Variants in ADSS1 observed in about 807,000 individuals in gnomAD.
ADSS1 encodes the protein adenylosuccinate synthase 1.
Under a neutral mutation model 59.1 loss-of-function variants are expected in ADSS1, and 57 were observed. That is an observed-to-expected ratio of 0.97 (90% CI 0.78 to 1.20). The LOEUF is 1.20. ADSS1 is among the 50% of genes most tolerant of loss of function. The pLI is 0.00. For synonymous variants in ADSS1, 247 were observed against 249.4 expected (o/e 0.99, Z 0.09); for missense variants, 603 against 610.3 (o/e 0.99, Z 0.13).
At chr14:104,725,820 C>G (rs1890703517) in intron 1 of ADSS1, among the ~76,000 whole-genome samples, 1 of 152,156 alleles carries the variant, frequency 6.6e-6, no homozygotes, top group South Asian at 2.1e-4. Context: ...TCTCTGCTCC[C>G]GTGAGGCCCA....
rs752928475 is a variant in ADSS1 at position 104,746,404 on chromosome 14, C to T, written c.1321+19C>T. ...GTCGCAGGTGGGTGCCCTGCATCCC[C>T]AGCCACCCTCCCTGCACCCTGGATG... On this transcript the variant is annotated intron_variant, in intron 12 of 12. Coordinates refer to ENST00000330877, the MANE Select transcript of ADSS1 (RefSeq NM_152328.5). The T allele has an allele frequency of 5.6e-6, 9 of 1,604,508 alleles. No individual in the cohort carries two copies. The Admixed American group carries it at 1.2e-4, about 21-fold the overall frequency.
At chr14:104,744,459 T>G (rs1595214432) in intron 10 of ADSS1, 1 of 206,614 alleles carries the variant, frequency 4.8e-6, no homozygotes. Context: ...GTGGCAGGGG[T>G]GTGGCGGCGG....
At position 104,732,534 on chromosome 14, in the gene ADSS1, G is replaced by C. The variant is rs533577355; in HGVS notation, c.193-2486G>C. ...AGGGGTGGCCTGGCACTGGCCCTGC[G>C]GTCATTGGACACCCACTGGCCTACG... is the stretch of plus-strand genomic sequence containing the variant. On this transcript the variant is annotated intron_variant, in intron 1 of 12. Transcript: ENST00000330877. 2.0e-5 allele frequency among the ~76,000 whole-genome samples: 3 copies of C among 152,306 alleles called. No individual in the cohort carries two copies. The South Asian group carries it at 6.2e-4, about 32-fold the overall frequency.
chr14:104,746,390 G>A lies in ADSS1; in HGVS notation c.1321+5G>A. 1.2e-6 allele frequency: 2 copies of A among 1,609,044 alleles called. No homozygotes were observed. Among genetic ancestry groups the A allele is most frequent in the Non-Finnish European group, 1.7e-6 (2 of 1,176,956 alleles). On this transcript the variant is annotated splice_donor_5th_base_variant and intron_variant, in intron 12 of 12. Coordinates refer to ENST00000330877, the MANE Select transcript of ADSS1 (RefSeq NM_152328.5). Reference sequence around the variant, plus strand: ...AGAATCACGTGGGAGTCGCAGGTGGGTGCCCTGCATCCCCAGCCACCCTCC... The same window carrying A: ...AGAATCACGTGGGAGTCGCAGGTGGATGCCCTGCATCCCCAGCCACCCTCC...
chr14:104,726,362 G>A (rs1303975870), intron 1 of ADSS1, among the ~76,000 whole-genome samples: 3 of 152,356 alleles, frequency 2.0e-5, no homozygotes, highest in African/African-American at 7.2e-5. Flanking sequence ...CCACCTGCGA[G>A]TGCGGGGACC....
At position 104,740,140 on chromosome 14, in the gene ADSS1, T is replaced by C. The variant is rs1026505510; in HGVS notation, c.476+324T>C. Among the ~76,000 whole-genome samples the C allele has an allele frequency of 4.6e-5, 7 of 151,952 alleles. No individual in the cohort carries two copies. The highest frequency in any genetic ancestry group is 8.8e-5 in the Non-Finnish European group (6 of 68,000). The stretch of plus-strand genomic sequence containing the variant: ...GCCCCAGGGAAGACACGAGGAACAC[T>C]AAAGCAGTTTAGTAGAACCTCAGAT... On this transcript the variant is annotated intron_variant, in intron 5 of 12. Coordinates refer to ENST00000330877, the MANE Select transcript of ADSS1 (RefSeq NM_152328.5). The surrounding 1 kb of genome is among the most constrained non-coding windows in gnomAD (Gnocchi z 4.8).
Position 104,738,456 on chromosome 14 carries a change from CA to C in ADSS1, c.358+19del. 6.2e-7 allele frequency: 1 copy of C among 1,612,820 alleles called. No homozygotes were observed. The highest frequency in any genetic ancestry group is 1.1e-5 in the South Asian group (1 of 91,030). ...AAAGAAAGGTAGGTCCAAGCTCCTG[CA>C]GACTTGCCCTGTCCCAGACGCGGTG... On this transcript the variant is annotated intron_variant, in intron 3 of 12. Coordinates refer to ENST00000330877, the MANE Select transcript of ADSS1 (RefSeq NM_152328.5).
At chr14:104,744,551 A>G (rs971357439) in intron 10 of ADSS1, 4 of 479,378 alleles carry the variant, frequency 8.3e-6, no homozygotes, top group Admixed American at 7.1e-5. Context: ...GATCCCTCGC[A>G]TGCACAGTTC....
In ADSS1 at chr14:104,725,502, C is replaced by A. The variant is rs143713476; in HGVS notation, c.192+1040C>A. On this transcript the variant is annotated intron_variant, in intron 1 of 12. Coordinates refer to ENST00000330877, the MANE Select transcript of ADSS1 (RefSeq NM_152328.5). ...CAAGACGAAGGGAGTCAGCCCAGCA[C>A]CCTGTGTGGCTCAGGGCTGTCCGAG... 2.2e-3 allele frequency among the ~76,000 whole-genome samples: 341 copies of A among 151,918 alleles called. 3 individuals are homozygous for A. In the South Asian group the frequency reaches 0.027, roughly 12 times the overall value.
chr14:104,736,807 C>T (rs558175101), intron 2 of ADSS1, among the ~76,000 whole-genome samples: 1 of 150,464 alleles, frequency 6.6e-6, no homozygotes, highest in East Asian at 1.9e-4. Context: ...CCTCAACCTA[C>T]TGGGCCCAGG....
At chr14:104,731,993 G>A (rs1265894127) in intron 1 of ADSS1, among the ~76,000 whole-genome samples, 1 of 152,232 alleles carries the variant, frequency 6.6e-6, no homozygotes, top group Non-Finnish European at 1.5e-5. Context: ...AGGAAGCCCT[G>A]TGAGAGGGCA....
chr14:104,729,264 C>T (rs1890809555), intron 1 of ADSS1, among the ~76,000 whole-genome samples: 1 of 152,140 alleles, frequency 6.6e-6, no homozygotes, highest in Non-Finnish European at 1.5e-5. Context: ...GGTCAATGGA[C>T]AGCCCCCAAG....
chr14:104,724,497 C>T (rs1188043244), intron 1 of ADSS1, 35 bp downstream of exon 1: 4 of 1,121,170 alleles, frequency 3.6e-6, no homozygotes, highest in Non-Finnish European at 4.5e-6. Context: ...TCCCCCACCG[C>T]CCAGCGAGCC....
chr14:104,745,434 A>G (rs1398455811), intron 11 of ADSS1: 1 of 155,914 alleles, frequency 6.4e-6, no homozygotes, highest in Non-Finnish European at 1.4e-5. Context: ...CACAGGTTTC[A>G]GTTTCGTGTG....
At chr14:104,731,825 A>G (rs1434929401) in intron 1 of ADSS1, among the ~76,000 whole-genome samples, 1 of 152,170 alleles carries the variant, frequency 6.6e-6, no homozygotes, top group Non-Finnish European at 1.5e-5. Flanking sequence ...GGATGGTGAC[A>G]GGACTCGGGG....
At chr14:104,730,263 G>T (rs1395461718) in intron 1 of ADSS1, 36 of 1,444,444 alleles carry the variant, frequency 2.5e-5, no homozygotes, top group Non-Finnish European at 3.1e-5. Context: ...GGAGGCCGAG[G>T]CGAGCGGATC....
At chr14:104,739,465 A>C (rs1360857428) in intron 4 of ADSS1, 87 bp downstream of exon 4, 4 of 1,453,744 alleles carry the variant, frequency 2.8e-6, no homozygotes, top group Non-Finnish European at 1.9e-6. Flanking sequence ...CACCGAGATC[A>C]GGGAAGTCCC....
chr14:104,746,400 TC>T lies in ADSS1; in HGVS notation c.1321+19del. ...GGGAGTCGCAGGTGGGTGCCCTGCATCCCCAGCCACCCTCCCTGCACCCTGG... is the reference window on the plus strand; with the variant it reads ...GGGAGTCGCAGGTGGGTGCCCTGCATCCCAGCCACCCTCCCTGCACCCTGG... On this transcript the variant is annotated intron_variant, in intron 12 of 12. Coordinates refer to ENST00000330877, the MANE Select transcript of ADSS1 (RefSeq NM_152328.5). 6.2e-7 allele frequency: 1 copy of T among 1,605,538 alleles called. No individual in the cohort carries two copies.
At chr14:104,735,167 T>C (rs1397708804) in intron 2 of ADSS1, 45 bp downstream of exon 2, 2 of 1,537,084 alleles carry the variant, frequency 1.3e-6, no homozygotes, top group East Asian at 4.9e-5. Flanking sequence ...AAAGGGGGTG[T>C]CAGCCAGCCC....
Sources: allele counts gnomAD v4.1 joint callset (sites outside exome capture counted in the v4.1 genomes callset), GRCh38; gene constraint gnomAD v4.1.1; non-coding constraint Gnocchi (gnomAD v3.1); transcripts MANE v1.5; gene names NCBI Gene and HGNC (gene_info 2026-07-23, HGNC 2026-07-21).